The following ILRUN variants were observed in gnomAD, a reference collection of about 807,000 sequenced individuals.
ILRUN encodes protein ILRUN.
A neutral mutation model predicts 33.8 loss-of-function variants in ILRUN; 3 were observed. The observed-to-expected ratio is 0.09, with a 90% CI of 0.04 to 0.23. ILRUN has a LOEUF of 0.23. ILRUN is among the 10% of genes least tolerant of loss of function. The pLI is 1.00. For missense variants in ILRUN, 210 were observed against 375.1 expected (o/e 0.56, Z 3.64); for synonymous variants, 124 against 138.9 (o/e 0.89, Z 0.75).
At chr6:34,690,459 TC>T (rs1176903764) in intron 1 of ILRUN, among the ~76,000 whole-genome samples, 1 of 151,514 alleles carries the variant, frequency 6.6e-6, no homozygotes, top group Non-Finnish European at 1.5e-5. Context: ...AAACTATGTC[TC>T]AAAAAAAAAT....
intron 3 of ILRUN, among the ~76,000 whole-genome samples, chr6:34,632,473 T>C (rs926505010): frequency 6.6e-6 from 1 of 151,916 alleles, no homozygotes; most frequent in Non-Finnish European, 1.5e-5. Flanking sequence ...TATATTTGGA[T>C]GGCAGAACAA....
intron 1 of ILRUN, among the ~76,000 whole-genome samples, chr6:34,659,273 G>A (rs1387458167): frequency 6.6e-6 from 1 of 152,222 alleles, no homozygotes; most frequent in Non-Finnish European, 1.5e-5. Context: ...CCGAACTGGA[G>A]AAGAATTTGG....
chr6:34,597,956 A>G (rs991899897), intron 4 of ILRUN, among the ~76,000 whole-genome samples: 1 of 152,152 alleles, frequency 6.6e-6, no homozygotes, highest in African/African-American at 2.4e-5. Context: ...TCCAAGTCTT[A>G]CTGCTTTGGC....
intron 2 of ILRUN, among the ~76,000 whole-genome samples, chr6:34,647,191 C>T (rs1158175880): frequency 2.6e-5 from 4 of 152,172 alleles, no homozygotes; most frequent in African/African-American, 9.6e-5. Flanking sequence ...AACACATGTC[C>T]ATTTTCACAG....
chr6:34,635,250 C>G (rs576707299), intron 3 of ILRUN, among the ~76,000 whole-genome samples: 1 of 152,216 alleles, frequency 6.6e-6, no homozygotes, highest in African/African-American at 2.4e-5. Context: ...AGAAATCTGG[C>G]TGGGCACAGT....
intron 1 of ILRUN, among the ~76,000 whole-genome samples, chr6:34,662,985 T>C (rs1334978251): frequency 6.6e-6 from 1 of 152,152 alleles, no homozygotes; most frequent in Non-Finnish European, 1.5e-5. Context: ...TCACAGCTAC[T>C]TGGGAGGCTG....
At chr6:34,637,578 G>A (rs913356381) in intron 3 of ILRUN, among the ~76,000 whole-genome samples, 2 of 152,100 alleles carry the variant, frequency 1.3e-5, no homozygotes, top group Non-Finnish European at 2.9e-5. Flanking sequence ...GTAAGTTGAG[G>A]AGTAAGAAAA....
intron 3 of ILRUN, among the ~76,000 whole-genome samples, chr6:34,611,224 G>C (rs1761746218): frequency 1.3e-5 from 2 of 151,692 alleles, no homozygotes; most frequent in African/African-American, 4.8e-5. Flanking sequence ...TGGGATTACA[G>C]GCATAAGCCA....
At chr6:34,599,442 G>A (rs1416974956) in intron 4 of ILRUN, among the ~76,000 whole-genome samples, 17 of 152,140 alleles carry the variant, frequency 1.1e-4, no homozygotes, top group African/African-American at 3.6e-4. Context: ...AACATTTCTG[G>A]TTGTTACACT....
chr6:34,591,499 ATTT>A (rs545549009), intron 4 of ILRUN, among the ~76,000 whole-genome samples: 2 of 139,406 alleles, frequency 1.4e-5, no homozygotes. Context: ...TCCTGTCTCA[ATTT>A]TTTTTTTTTT....
chr6:34,620,899 C>A (rs1021850726), intron 3 of ILRUN, among the ~76,000 whole-genome samples: 2 of 152,170 alleles, frequency 1.3e-5, no homozygotes, highest in African/African-American at 4.8e-5. Flanking sequence ...AGACCGGACA[C>A]TAACTTGTTA....
intron 2 of ILRUN, among the ~76,000 whole-genome samples, chr6:34,649,388 G>A (rs564873480): frequency 3.9e-4 from 60 of 152,276 alleles, no homozygotes; most frequent in Non-Finnish European, 7.4e-5. Context: ...AGTCTCAGTT[G>A]CAAACTGGAT....
At chr6:34,672,174 C>T (rs1404835774) in intron 1 of ILRUN, among the ~76,000 whole-genome samples, 1 of 151,966 alleles carries the variant, frequency 6.6e-6, no homozygotes, top group Non-Finnish European at 1.5e-5. Flanking sequence ...ACAATCTCAG[C>T]TCATTTCAAA....
intron 3 of ILRUN, among the ~76,000 whole-genome samples, chr6:34,613,314 T>C (rs1317733443): frequency 6.6e-6 from 1 of 152,168 alleles, no homozygotes; most frequent in African/African-American, 2.4e-5. Flanking sequence ...AATGTTTAAG[T>C]TGGAGCTCAC....
chr6:34,621,079 A>C (rs1562005651), intron 3 of ILRUN, among the ~76,000 whole-genome samples: 1 of 152,224 alleles, frequency 6.6e-6, no homozygotes, highest in Non-Finnish European at 1.5e-5. Context: ...CAAAGAACTA[A>C]AACAGGTTTC....
intron 1 of ILRUN, among the ~76,000 whole-genome samples, chr6:34,675,135 G>A (rs1040258581): frequency 5.9e-5 from 9 of 151,976 alleles, no homozygotes; most frequent in African/African-American, 2.2e-4. Flanking sequence ...GCAAAAATCA[G>A]CCAGGCGTGG....
intron 3 of ILRUN, among the ~76,000 whole-genome samples, chr6:34,620,789 G>A (rs548243226): frequency 6.6e-5 from 10 of 152,266 alleles, no homozygotes; most frequent in Admixed American, 2.6e-4. Context: ...CGATTGTGCC[G>A]CTGCACTCCA....
intron 1 of ILRUN, among the ~76,000 whole-genome samples, chr6:34,655,977 G>A (rs1031671773): frequency 1.3e-5 from 2 of 152,144 alleles, no homozygotes; most frequent in African/African-American, 4.8e-5. Context: ...GCTCACGCCT[G>A]TAATCCCAGT....
At chr6:34,618,655 G>T (rs1188053350) in intron 3 of ILRUN, among the ~76,000 whole-genome samples, 1 of 152,110 alleles carries the variant, frequency 6.6e-6, no homozygotes, top group Non-Finnish European at 1.5e-5. Flanking sequence ...CAGGCTACAG[G>T]CTTGTTCCTG....
Sources: gnomAD v4.1 joint callset for allele counts (sites outside exome capture counted in the v4.1 genomes callset) on GRCh38, gnomAD v4.1.1 for gene constraint, MANE v1.5 for transcripts, NCBI Gene and HGNC (gene_info 2026-07-23, HGNC 2026-07-21) for gene names.